CNTN4: variants seen among roughly 807,000 people sequenced by gnomAD.
CNTN4 encodes contactin 4.
A neutral mutation model predicts 122.5 loss-of-function variants in CNTN4; 77 were observed. The observed-to-expected ratio is 0.63, with a 90% CI of 0.52 to 0.76. The LOEUF (loss-of-function observed/expected upper bound fraction) is 0.76. Among genes scored for constraint, CNTN4 ranks in the 30% least tolerant of loss-of-function variants. CNTN4 has a pLI of 0.00. For missense variants in CNTN4, 1,256 were observed against 1,259.1 expected (o/e 1.00, Z 0.04); for synonymous variants, 512 against 447.0 (o/e 1.15, Z -1.83).
chr3:2,477,577 G>T (rs940834767), intron 3 of CNTN4, among the ~76,000 whole-genome samples: 1 of 152,078 alleles, frequency 6.6e-6, no homozygotes, highest in Middle Eastern at 3.4e-3. Context: ...CAGGATTGAG[G>T]GCCCATATTT....
chr3:2,117,839 ATTTAT>A lies in CNTN4; in HGVS notation c.-145+17203_-145+17207del, dbSNP rs140475452. Among the ~76,000 whole-genome samples the A allele has an allele frequency of 8.9e-3, 1,354 of 152,250 alleles. 27 individuals are homozygous for A. Among genetic ancestry groups the A allele is most frequent in the African/African-American group, 0.03 (1,253 of 41,550 alleles). On this transcript the variant is annotated intron_variant, in intron 2 of 24. Transcript: ENST00000418658. ...TGTTCTTTGGAAGACATTCTGGATG[ATTTAT>A]TTATTTAACAATGTGTCCCACATCA... is the stretch of plus-strand genomic sequence containing the variant.
At position 2,400,404 on chromosome 3, in the gene CNTN4, A is replaced by AG. The variant is rs1553640862; in HGVS notation, c.-89+61171_-89+61172insG. ...TGTGTGTGGTGTGTGTATGTGTGTG[A>AG]ATATATATATATATATATATATACA... is the stretch of plus-strand genomic sequence containing the variant. On this transcript the variant is annotated intron_variant, in intron 3 of 24. Transcript: ENST00000418658. Among the ~76,000 whole-genome samples the AG allele has an allele frequency of 6.3e-3, 579 of 91,444 alleles. 5 individuals are homozygous for AG. The highest frequency in any genetic ancestry group is 0.01 in the Non-Finnish European group (428 of 41,612). The allele number at this position is 91,444 out of a possible 152,430, so 60.0% of individuals were successfully genotyped here. A position where few individuals can be genotyped will look rare whatever the true frequency, so the allele number is the denominator to read the frequency against.
intron 14 of CNTN4, among the ~76,000 whole-genome samples, chr3:3,009,870 G>C (rs1697051018): frequency 6.6e-6 from 1 of 151,262 alleles, no homozygotes; most frequent in African/African-American, 2.4e-5. Flanking sequence ...TGTAGATGAA[G>C]TTCATTGACT....
intron 5 of CNTN4, among the ~76,000 whole-genome samples, chr3:2,741,538 C>G (rs1171449992): frequency 1.3e-5 from 2 of 152,142 alleles, no homozygotes; most frequent in Non-Finnish European, 2.9e-5. Flanking sequence ...CAGGTGTAAA[C>G]CAAGCACTTG....
intron 3 of CNTN4, among the ~76,000 whole-genome samples, chr3:2,406,481 C>T (rs927060515): frequency 6.6e-6 from 1 of 152,158 alleles, no homozygotes; most frequent in Admixed American, 6.5e-5. Context: ...TGGTAAAATC[C>T]AAGTAAAGTT....
intron 2 of CNTN4, among the ~76,000 whole-genome samples, chr3:2,287,640 GAAGAAGAAGAAGAAGAAGAAGAAGA>G (rs2041957660): frequency 5.1e-5 from 3 of 58,388 alleles, no homozygotes; most frequent in Non-Finnish European, 1.0e-4. Context: ...AGGAGAAGAA[GAAGAAGAAGAAGAAGAAGAAGAAGA>G]AGAAGAAGAA....
At chr3:2,806,830 A>G (rs183549572) in intron 6 of CNTN4, among the ~76,000 whole-genome samples, 14 of 152,256 alleles carry the variant, frequency 9.2e-5, no homozygotes, top group Admixed American at 7.9e-4. Flanking sequence ...CTGAGTTGGC[A>G]AAGGGGGGAG....
intron 3 of CNTN4, among the ~76,000 whole-genome samples, chr3:2,427,298 C>T (rs1273737486): frequency 6.6e-6 from 1 of 152,188 alleles, no homozygotes; most frequent in Non-Finnish European, 1.5e-5. Flanking sequence ...TTTCAAAGAA[C>T]ATCTTTATTT....
chr3:2,255,499 A>G (rs920376534), intron 2 of CNTN4, among the ~76,000 whole-genome samples: 2 of 152,144 alleles, frequency 1.3e-5, no homozygotes, highest in African/African-American at 4.8e-5. Context: ...TCAGCACCAC[A>G]TCGCACTTAA....
At chr3:2,526,501 A>T (rs2077403039) in intron 3 of CNTN4, among the ~76,000 whole-genome samples, 1 of 152,140 alleles carries the variant, frequency 6.6e-6, no homozygotes, top group African/African-American at 2.4e-5. Flanking sequence ...AGTTGTATAA[A>T]AGCAAAAAAT....
In CNTN4 at chr3:2,958,066, G is replaced by A. The variant is rs1375495613; in HGVS notation, c.1359-30279G>A. On this transcript the variant is annotated intron_variant, in intron 13 of 24. Coordinates refer to ENST00000418658, the MANE Select transcript of CNTN4 (RefSeq NM_175607.3). ...TAATTTAGTATTTCTCTGATGGGAG[G>A]CTGTTGCATTTTAAATGGATGTTTC... is the stretch of plus-strand genomic sequence containing the variant. Among the ~76,000 whole-genome samples the A allele has an allele frequency of 3.9e-5, 6 of 152,046 alleles. No homozygotes were observed. In the South Asian group the frequency reaches 1.2e-3, roughly 32 times the overall value.
At chr3:2,906,481 T>TA (rs11354245) in intron 12 of CNTN4, among the ~76,000 whole-genome samples, 6,348 of 151,536 alleles carry the variant, frequency 0.042, 443 homozygotes, top group African/African-American at 0.14. Flanking sequence ...AGTAAAATAA[T>TA]AAAAAAAATA....
rs554324649 is a variant in CNTN4 at position 2,534,819 on chromosome 3, A to ATGCTGCTGCTGCTGCTGC, written c.-88-36580_-88-36579insCTGCTGCTGCTGCTGCTG. On this transcript the variant is annotated intron_variant, in intron 3 of 24. Transcript: ENST00000418658. ...GGCACACCAAATGAGGGAACAATGT[A>ATGCTGCTGCTGCTGCTGC]TGCTGCTGCTGCTGCTGTTGCTGTT... Among the ~76,000 whole-genome samples the ATGCTGCTGCTGCTGCTGC allele has an allele frequency of 9.0e-4, 80 of 88,418 alleles. 5 individuals carry two copies. Among genetic ancestry groups the ATGCTGCTGCTGCTGCTGC allele is most frequent in the Non-Finnish European group, 1.1e-3 (43 of 37,528 alleles). The allele number at this position is 88,418 out of a possible 152,430, so 58.0% of individuals were successfully genotyped here.
At chr3:2,165,790 T>C (rs183114026) in intron 2 of CNTN4, among the ~76,000 whole-genome samples, 2 of 152,320 alleles carry the variant, frequency 1.3e-5, no homozygotes, top group Admixed American at 6.5e-5. Context: ...GCAGTATTTT[T>C]CTTTCTGTGC....
At chr3:2,248,498 G>A (rs2040239618) in intron 2 of CNTN4, among the ~76,000 whole-genome samples, 2 of 151,898 alleles carry the variant, frequency 1.3e-5, no homozygotes, top group East Asian at 1.9e-4. Flanking sequence ...GCAGACACTG[G>A]TCTGAAAAAG....
At chr3:2,785,495 C>T (rs1019688869) in intron 6 of CNTN4, among the ~76,000 whole-genome samples, 3 of 152,200 alleles carry the variant, frequency 2.0e-5, no homozygotes, top group Non-Finnish European at 4.4e-5. Flanking sequence ...CTGACCTCAT[C>T]TGGAAGCACC....
intron 3 of CNTN4, among the ~76,000 whole-genome samples, chr3:2,382,740 G>A (rs1473105292): frequency 6.6e-6 from 1 of 152,152 alleles, no homozygotes; most frequent in Non-Finnish European, 1.5e-5. Context: ...AGTACAGGAA[G>A]GGTAGCATTG....
intron 2 of CNTN4, among the ~76,000 whole-genome samples, chr3:2,195,326 A>T (rs2037785031): frequency 6.6e-6 from 1 of 152,166 alleles, no homozygotes; most frequent in South Asian, 2.1e-4. Flanking sequence ...TCACCCATTG[A>T]TGGATACTTA....
intron 13 of CNTN4, among the ~76,000 whole-genome samples, chr3:2,981,174 G>A (rs1397888158): frequency 6.6e-6 from 1 of 152,192 alleles, no homozygotes; most frequent in African/African-American, 2.4e-5. Flanking sequence ...GCCGGGCGCG[G>A]TGGCTCACGC....
Sources: gnomAD v4.1 joint callset for allele counts (sites outside exome capture counted in the v4.1 genomes callset) on GRCh38, gnomAD v4.1.1 for gene constraint, MANE v1.5 for transcripts, NCBI Gene and HGNC (gene_info 2026-07-23, HGNC 2026-07-21) for gene names.